Variants in ZC2HC1B observed in about 807,000 individuals in gnomAD.
ZC2HC1B encodes zinc finger C2HC domain-containing protein 1B.
Under a neutral mutation model 31.0 loss-of-function variants are expected in ZC2HC1B, and 36 were observed. That is an observed-to-expected ratio of 1.16 (90% CI 0.89 to 1.54). The LOEUF is 1.54. Ranked by LOEUF, ZC2HC1B falls within the 40% of genes most tolerant of loss-of-function variation. The pLI is 0.00. For missense variants in ZC2HC1B, 260 were observed against 268.6 expected (o/e 0.97, Z 0.22); for synonymous variants, 73 against 88.0 (o/e 0.83, Z 0.95).
At chr6:143,900,433 G>A (rs554605448) in intron 5 of ZC2HC1B, among the ~76,000 whole-genome samples, 108 of 151,912 alleles carry the variant, frequency 7.1e-4, no homozygotes, top group African/African-American at 2.5e-3. Flanking sequence ...AGAGGTACAG[G>A]GACAGGCAAG....
At chr6:143,925,165 CTTTTTTTT>C (rs71024879) in intron 6 of ZC2HC1B, among the ~76,000 whole-genome samples, 2 of 104,190 alleles carry the variant, frequency 1.9e-5, no homozygotes, top group Admixed American at 9.7e-5. Context: ...AATCTCATTC[CTTTTTTTT>C]TTTTTTTTTT....
intron 1 of ZC2HC1B, among the ~76,000 whole-genome samples, chr6:143,867,864 T>A (rs1414764025): frequency 6.6e-6 from 1 of 152,214 alleles, no homozygotes. Context: ...CTTTTCTCTA[T>A]CCAGTCTATA....
Position 143,899,018 on chromosome 6 carries a change from G to T in ZC2HC1B, c.489+327G>T, listed in dbSNP as rs1777704666. On this transcript the variant is annotated intron_variant, in intron 5 of 7. Coordinates refer to ENST00000237275, the MANE Select transcript of ZC2HC1B (RefSeq NM_001013623.3). The surrounding 1 kb of genome is among the most constrained non-coding windows in gnomAD (Gnocchi z 5.0). The stretch of plus-strand genomic sequence containing the variant: ...CCTTAATCACCCAGAAAAGAATTGC[G>T]AACCTGAAGTGAAACTGCCTGAGTG... 6.6e-6 allele frequency among the ~76,000 whole-genome samples: 1 copy of T among 152,184 alleles called. No homozygotes were observed. The highest frequency in any genetic ancestry group is 2.1e-4 in the South Asian group (1 of 4,834).
intron 4 of ZC2HC1B, among the ~76,000 whole-genome samples, chr6:143,889,849 C>T (rs2128494272): frequency 6.6e-6 from 1 of 152,228 alleles, no homozygotes; most frequent in Non-Finnish European, 1.5e-5. Context: ...GACACATAGC[C>T]ACAGCAGAAG....
rs538738572 is a variant in ZC2HC1B at position 143,887,132 on chromosome 6, C to T, written c.349+311C>T. On this transcript the variant is annotated intron_variant, in intron 4 of 7. Transcript: ENST00000237275. This position sits in a 1 kb window ranked among gnomAD's most constrained non-coding sequence, Gnocchi z 5.1. ...CTAACCAACTCTGCAACAGCCCCATCGTGTCAGATACCCACAGCAATTTTT... is the reference window on the plus strand; with the variant it reads ...CTAACCAACTCTGCAACAGCCCCATTGTGTCAGATACCCACAGCAATTTTT... Among the ~76,000 whole-genome samples the T allele has an allele frequency of 3.9e-5, 6 of 152,110 alleles. No individual in the cohort carries two copies. Among genetic ancestry groups the T allele is most frequent in the South Asian group, 2.1e-4 (1 of 4,822 alleles).
rs572830198 is a variant in ZC2HC1B at position 143,881,581 on chromosome 6, A to C, written c.29-2723A>C. On this transcript the variant is annotated intron_variant, in intron 1 of 7. Transcript: ENST00000237275. ...AAAAAAAAAAAAAAAAAAAAAAGAAAAAGTGGTCTTTTTATTGCTGAGCAG... is the reference window on the plus strand; with the variant it reads ...AAAAAAAAAAAAAAAAAAAAAAGAACAAGTGGTCTTTTTATTGCTGAGCAG... 5.9e-5 allele frequency: 9 copies of C among 151,628 alleles called. No individual in the cohort carries two copies. The East Asian group carries it at 1.7e-3, about 29-fold the overall frequency. The allele number at this position is 151,628 out of a possible 1,614,324, so 9.4% of individuals were successfully genotyped here. A position where few individuals can be genotyped will look rare whatever the true frequency, so the allele number is the denominator to read the frequency against.
chr6:143,891,502 A>G (rs561677224), intron 4 of ZC2HC1B, among the ~76,000 whole-genome samples: 425 of 152,180 alleles, frequency 2.8e-3, no homozygotes, highest in Non-Finnish European at 4.5e-3. Flanking sequence ...AGAGTTTGAG[A>G]CCAGCTTGGT....
At chr6:143,882,330 TTTTTTATATATATATATATATATA>T (rs1346155775) in intron 1 of ZC2HC1B, among the ~76,000 whole-genome samples, 1 of 91,758 alleles carries the variant, frequency 1.1e-5, no homozygotes, top group Non-Finnish European at 1.9e-5. Context: ...ATATTTTATA[TTTTTTATATATATATATATATATA>T]TATATATATA....
rs1777929250 is a variant in ZC2HC1B at position 143,917,153 on chromosome 6, G to A, written c.598+14001G>A. 1.3e-5 allele frequency among the ~76,000 whole-genome samples: 2 copies of A among 152,120 alleles called. No individual in the cohort carries two copies. The highest frequency in any genetic ancestry group is 2.9e-5 in the Non-Finnish European group (2 of 68,026). ...GTGAGTAAGTCTCATGAGATCTGACGACTTTAAAAAGAGGAGCTCCCCTGC... is the reference window on the plus strand; with the variant it reads ...GTGAGTAAGTCTCATGAGATCTGACAACTTTAAAAAGAGGAGCTCCCCTGC... On this transcript the variant is annotated intron_variant, in intron 6 of 7. Transcript: ENST00000237275. The surrounding 1 kb of genome is among the most constrained non-coding windows in gnomAD (Gnocchi z 4.1).
At position 143,898,701 on chromosome 6, in the gene ZC2HC1B, TCTC is replaced by T; in HGVS notation, c.489+12_489+14del. 6.4e-7 allele frequency: 1 copy of T among 1,551,954 alleles called. No individual in the cohort carries two copies. Among genetic ancestry groups the T allele is most frequent in the Non-Finnish European group, 8.7e-7 (1 of 1,147,004 alleles). On this transcript the variant is annotated intron_variant, in intron 5 of 7. Transcript: ENST00000237275. Reference sequence around the variant, plus strand: ...GGCATCCAGAGCTCAGGTAACTATCTCTCCCCAGGTGTTGGCTCTTGTGCCCTT... The same window carrying T: ...GGCATCCAGAGCTCAGGTAACTATCTCCCAGGTGTTGGCTCTTGTGCCCTT...
In ZC2HC1B at chr6:143,937,639, G is replaced by A. The variant is rs961642783; in HGVS notation, c.599-10G>A. The A allele has an allele frequency of 4.0e-5, 62 of 1,541,222 alleles. No homozygotes were observed. In the East Asian group the frequency reaches 1.5e-3, roughly 38 times the overall value. On this transcript the variant is annotated splice_polypyrimidine_tract_variant and intron_variant, in intron 6 of 7. Transcript: ENST00000237275. ...TTGACATAATAACAAATCTGTTTAT[G>A]TTTGCAAAGGATTAGCTATGGACCC...
chr6:143,928,883 T>C (rs1778084313), intron 6 of ZC2HC1B, among the ~76,000 whole-genome samples: 1 of 151,862 alleles, frequency 6.6e-6, no homozygotes, highest in African/African-American at 2.4e-5. Flanking sequence ...TTTGATTTGG[T>C]TCTTAGCATG....
Position 143,883,605 on chromosome 6 carries a change from T to C in ZC2HC1B, c.29-699T>C, listed in dbSNP as rs958671493. The stretch of plus-strand genomic sequence containing the variant: ...CTTTTTAAATCTTTACATATTTGAC[T>C]CCTGATGAACCAAAAGGAAGTAATA... On this transcript the variant is annotated intron_variant, in intron 1 of 7. Transcript: ENST00000237275. The surrounding 1 kb of genome is among the most constrained non-coding windows in gnomAD (Gnocchi z 4.1). Among the ~76,000 whole-genome samples the C allele has an allele frequency of 1.3e-5, 2 of 152,216 alleles. No individual in the cohort carries two copies. The highest frequency in any genetic ancestry group is 2.9e-5 in the Non-Finnish European group (2 of 68,036).
At chr6:143,864,881 T>C (rs1051356331) in intron 1 of ZC2HC1B, among the ~76,000 whole-genome samples, 1 of 152,238 alleles carries the variant, frequency 6.6e-6, no homozygotes, top group Non-Finnish European at 1.5e-5. Flanking sequence ...ATGTAAGTAC[T>C]AAAAGGATTG....
At chr6:143,866,826 A>G (rs369926789) in intron 1 of ZC2HC1B, among the ~76,000 whole-genome samples, 2 of 152,358 alleles carry the variant, frequency 1.3e-5, no homozygotes, top group South Asian at 2.1e-4. Flanking sequence ...TATTTAAAGC[A>G]AACACAGGGC....
intron 6 of ZC2HC1B, among the ~76,000 whole-genome samples, chr6:143,919,018 C>T (rs535750608): frequency 1.3e-5 from 2 of 151,970 alleles, no homozygotes; most frequent in East Asian, 3.9e-4. Context: ...AAGTATTTGT[C>T]TAATAGATCT....
At chr6:143,927,473 A>G (rs1407034440) in intron 6 of ZC2HC1B, among the ~76,000 whole-genome samples, 1 of 152,192 alleles carries the variant, frequency 6.6e-6, no homozygotes, top group Non-Finnish European at 1.5e-5. Context: ...GCTGCAAAAG[A>G]CATTATATTA....
intron 1 of ZC2HC1B, among the ~76,000 whole-genome samples, chr6:143,864,979 CT>C (rs1158246517): frequency 6.6e-6 from 1 of 152,182 alleles, no homozygotes; most frequent in African/African-American, 2.4e-5. Context: ...TGTCATGTTA[CT>C]CAAATTCTGT....
intron 6 of ZC2HC1B, among the ~76,000 whole-genome samples, chr6:143,906,094 T>C (rs1312421942): frequency 1.3e-5 from 2 of 152,224 alleles, no homozygotes; most frequent in Non-Finnish European, 2.9e-5. Context: ...GGGAAAAGTC[T>C]GAGAAGGGTT....
Sources: gnomAD v4.1 joint callset for allele counts (sites outside exome capture counted in the v4.1 genomes callset) on GRCh38, gnomAD v4.1.1 for gene constraint, Gnocchi (gnomAD v3.1) non-coding constraint, MANE v1.5 for transcripts, NCBI Gene and HGNC (gene_info 2026-07-23, HGNC 2026-07-21) for gene names.